Variants in COCH observed in about 807,000 individuals in gnomAD.
COCH encodes the protein coagulation factor C homolog, cochlin (Limulus polyphemus).
COCH carries 40 observed loss-of-function variants against 54.8 expected under a neutral mutation model. The ratio of observed to expected loss-of-function variants is 0.73; its 90% CI spans 0.57 to 0.95. COCH has a LOEUF of 0.95. Among genes scored for constraint, COCH ranks in the 40% least tolerant of loss-of-function variants. COCH has a pLI of 0.00. For missense variants in COCH, 605 were observed against 675.0 expected (o/e 0.90, Z 1.15); for synonymous variants, 256 against 237.9 (o/e 1.08, Z -0.70).
At chr14:30,878,611 C>G (rs916627046) in intron 4 of COCH, among the ~76,000 whole-genome samples, 200 bp from the exon 5 acceptor site, 2 of 152,136 alleles carry the variant, frequency 1.3e-5, no homozygotes, top group South Asian at 2.1e-4. Context: ...GAGCCGAGAT[C>G]GCGCCACTGC....
chr14:30,893,884 A>T (rs1414694741), downstream of COCH: 2 of 152,618 alleles, frequency 1.3e-5, no homozygotes, highest in Non-Finnish European at 2.9e-5. Context: ...ACAGTAACAT[A>T]CAGGTACACA....
At position 30,889,797 on chromosome 14, in the gene COCH, A is replaced by G; in HGVS notation, c.*6A>G. 6.2e-7 allele frequency: 1 copy of G among 1,607,698 alleles called. No homozygotes were observed. Among genetic ancestry groups the G allele is most frequent in the South Asian group, 1.1e-5 (1 of 90,738 alleles). On this transcript the variant is annotated 3_prime_UTR_variant, in exon 12 of 12. Transcript: ENST00000396618. ...TCTTAGAATCCCAGCAATAATGGTA[A>G]CATTTTGACAACTGAAAGAAAAAGT... is the stretch of plus-strand genomic sequence containing the variant.
At chr14:30,884,877 T>G (rs755826157) in intron 9 of COCH, 1 of 1,557,776 alleles carries the variant, frequency 6.4e-7, no homozygotes, top group Non-Finnish European at 8.6e-7. Flanking sequence ...TAAAGCATGG[T>G]GATTTAGAAT....
chr14:30,880,778 T>A, intron 8 of COCH, 44 bp downstream of exon 8: 1 of 1,424,902 alleles, frequency 7.0e-7, no homozygotes, highest in Non-Finnish European at 9.9e-7. Flanking sequence ...AAAAATTATT[T>A]TGTAATTGAC....
At position 30,889,916 on chromosome 14, in the gene COCH, C is replaced by A. The variant is rs1270284156; in HGVS notation, c.*125C>A. ...ACAAAACTATTAAGTATGTCAACAGCCATTTAGGCAAATAAGCACTCCTTT... is the reference window on the plus strand; with the variant it reads ...ACAAAACTATTAAGTATGTCAACAGACATTTAGGCAAATAAGCACTCCTTT... On this transcript the variant is annotated 3_prime_UTR_variant, in exon 12 of 12. Transcript: ENST00000396618. 7 of 1,431,008 alleles carry A rather than the reference C, an allele frequency of 4.9e-6. No homozygotes were observed. Among genetic ancestry groups the A allele is most frequent in the South Asian group, 3.1e-5 (2 of 64,066 alleles). The allele number at this position is 1,431,008 out of a possible 1,614,324, so 88.6% of individuals were successfully genotyped here.
Position 30,877,793 on chromosome 14 carries a change from C to T in COCH, c.239+65C>T. On this transcript the variant is annotated intron_variant, in intron 4 of 11. Coordinates refer to ENST00000396618, the MANE Select transcript of COCH (RefSeq NM_004086.3). The surrounding 1 kb of genome is among the most constrained non-coding windows in gnomAD (Gnocchi z 8.6). Reference sequence around the variant, plus strand: ...GTGATTATTTCCTTTCCTGCTTTACCCATCTGGATCCCTTTCCTCCCTGCA... The same window carrying T: ...GTGATTATTTCCTTTCCTGCTTTACTCATCTGGATCCCTTTCCTCCCTGCA... The T allele has an allele frequency of 1.2e-6, 2 of 1,606,540 alleles. No individual in the cohort carries two copies. Among genetic ancestry groups the T allele is most frequent in the African/African-American group, 1.4e-5 (1 of 73,332 alleles).
intron 11 of COCH, chr14:30,889,279 T>C (rs1224795894): frequency 7.3e-6 from 2 of 273,176 alleles, no homozygotes; most frequent in African/African-American, 2.2e-5. Flanking sequence ...AAAAAGATAC[T>C]GTGGATCAGG....
intron 3 of COCH, chr14:30,875,528 C>G: frequency 2.0e-6 from 1 of 493,182 alleles, no homozygotes; most frequent in Non-Finnish European, 3.5e-6. Context: ...TTGCCGTAGC[C>G]GAGAGAGAGG....
At chr14:30,880,537 C>T in intron 7 of COCH, 41 bp downstream of exon 7, 1 of 1,614,118 alleles carries the variant, frequency 6.2e-7, no homozygotes, top group Non-Finnish European at 8.5e-7. Flanking sequence ...AGCATTTTCC[C>T]TCCCTCCTCT....
Position 30,878,888 on chromosome 14 carries a change from C to T in COCH, c.317C>T (p.Ala106Val), listed in dbSNP as rs913057067. 4 of 1,613,990 alleles carry T rather than the reference C, an allele frequency of 2.5e-6. No homozygotes were observed. The highest frequency in any genetic ancestry group is 3.4e-6 in the Non-Finnish European group (4 of 1,180,010). Residue 106 changes from alanine to valine, a missense_variant, in exon 5 of 12, where the codon GCC becomes GTC. Transcript: ENST00000396618. ...PGRENYSSVD[A>V]NGIQSQMLSR... Reference sequence around the variant, plus strand: ...CGAGAAAACTATTCCTCAGTAGATGCCAATGGCATCCAGTCTCAAATGCTT... The same window carrying T: ...CGAGAAAACTATTCCTCAGTAGATGTCAATGGCATCCAGTCTCAAATGCTT...
At chr14:30,894,691 A>G (rs1896079833), downstream of COCH, 1 of 173,694 alleles carries the variant, frequency 5.8e-6, no homozygotes, top group Admixed American at 6.4e-5. Context: ...GTATTAGGCA[A>G]AAGAAGGAAA....
downstream of COCH, chr14:30,894,739 G>A (rs1379134663): frequency 2.1e-5 from 4 of 187,414 alleles, no homozygotes; most frequent in Non-Finnish European, 4.4e-5. Context: ...TGAGATCTCT[G>A]TGTTTTAGGG....
intron 4 of COCH, 150 bp from the exon 5 acceptor site, chr14:30,878,661 A>G: frequency 8.5e-7 from 1 of 1,171,904 alleles, no homozygotes; most frequent in Non-Finnish European, 1.2e-6. Flanking sequence ...CATCAAATAA[A>G]TAAATAAATA....
chr14:30,879,092 G>A, intron 5 of COCH, 148 bp downstream of exon 5: 1 of 1,208,838 alleles, frequency 8.3e-7, no homozygotes, highest in Non-Finnish European at 1.2e-6. Flanking sequence ...AGGTTAGACT[G>A]AGGGGTCAAG....
At position 30,885,918 on chromosome 14, in the gene COCH, C is replaced by T. The variant is rs371011287; in HGVS notation, c.1083C>T (p.Thr361=). 1 of 1,614,196 alleles carries T rather than the reference C, an allele frequency of 6.2e-7. No individual in the cohort carries two copies. The highest frequency in any genetic ancestry group is 8.5e-7 in the Non-Finnish European group (1 of 1,180,024). The stretch of plus-strand genomic sequence containing the variant: ...ATGAACAAATGATGTGCAGCAAGAC[C>T]TGTTATAACTCAGTGAACATTGCCT... The part of the protein sequence containing the change: ...CTHEQMMCSK[T]CYNSVNIAFL... The change falls in exon 11 of 12, where the codon ACC becomes ACT. Residue 361 remains threonine (T), a synonymous_variant. Transcript: ENST00000396618.
chr14:30,891,345 C>T (rs1250661348), downstream of COCH, among the ~76,000 whole-genome samples: 1 of 152,156 alleles, frequency 6.6e-6, no homozygotes, highest in Non-Finnish European at 1.5e-5. Context: ...CTATCTCCTC[C>T]TCTCATCCAC....
At chr14:30,889,430 C>G in intron 11 of COCH, 186 bp from the exon 12 acceptor site, 1 of 596,844 alleles carries the variant, frequency 1.7e-6, no homozygotes, top group East Asian at 2.9e-5. Flanking sequence ...CTGGTTTGGA[C>G]CACTCTTTTG....
At chr14:30,881,193 C>G (rs1419824507) in intron 8 of COCH, among the ~76,000 whole-genome samples, 1 of 115,322 alleles carries the variant, frequency 8.7e-6, no homozygotes, top group Non-Finnish European at 1.7e-5. Context: ...CCAGCCTGGG[C>G]AACAGTGAGA....
At chr14:30,895,260 A>G, downstream of COCH, 1 of 764,728 alleles carries the variant, frequency 1.3e-6, no homozygotes, top group Non-Finnish European at 2.0e-6. Flanking sequence ...GCTTGACATT[A>G]AGATGTGATT....
Sources: allele counts gnomAD v4.1 joint callset (sites outside exome capture counted in the v4.1 genomes callset), GRCh38; gene constraint gnomAD v4.1.1; non-coding constraint Gnocchi (gnomAD v3.1); transcripts MANE v1.5; gene names NCBI Gene and HGNC (gene_info 2026-07-23, HGNC 2026-07-21).